POLD3: variants seen among roughly 807,000 people sequenced by gnomAD.
POLD3 encodes the protein DNA polymerase delta subunit 3.
Under a neutral mutation model 58.2 loss-of-function variants are expected in POLD3, and 19 were observed. The observed-to-expected ratio is 0.33, with a 90% CI of 0.23 to 0.48. The LOEUF is 0.48. Ranked by LOEUF, POLD3 falls within the 20% of genes least tolerant of loss-of-function variation. The pLI, the probability that POLD3 is intolerant of heterozygous loss-of-function variation, is 0.99. For synonymous variants in POLD3, 172 were observed against 193.5 expected (o/e 0.89, Z 0.92); for missense variants, 504 against 545.5 (o/e 0.92, Z 0.76).
At chr11:74,624,051 A>G (rs1178345269) in intron 7 of POLD3, among the ~76,000 whole-genome samples, 1 of 152,232 alleles carries the variant, frequency 6.6e-6, no homozygotes, top group Admixed American at 6.5e-5. Flanking sequence ...ATAGGTAGGT[A>G]GGAAGTATTT....
At chr11:74,663,444 GA>G (rs1020813024) in intron 4 of POLD3, among the ~76,000 whole-genome samples, 36 of 152,338 alleles carry the variant, frequency 2.4e-4, no homozygotes, top group African/African-American at 8.2e-4. Flanking sequence ...AGACAGAGGT[GA>G]AGAACTTACA....
intron 4 of POLD3, among the ~76,000 whole-genome samples, chr11:74,650,236 C>T (rs1293625346): frequency 6.6e-6 from 1 of 152,128 alleles, no homozygotes; most frequent in Non-Finnish European, 1.5e-5. Flanking sequence ...GGAGTGCCTA[C>T]TTTGTGCTGT....
intron 9 of POLD3, among the ~76,000 whole-genome samples, chr11:74,633,853 T>C (rs1309994973): frequency 6.6e-6 from 1 of 152,202 alleles, no homozygotes; most frequent in Non-Finnish European, 1.5e-5. Flanking sequence ...ATGCAAAATA[T>C]TAAGTAGGTC....
At chr11:74,593,557 C>T (rs1342501256) in intron 1 of POLD3, among the ~76,000 whole-genome samples, 1 of 152,204 alleles carries the variant, frequency 6.6e-6, no homozygotes, top group Non-Finnish European at 1.5e-5. Context: ...AGGCTTGATG[C>T]TGGTAGTTCC....
At chr11:74,632,933 C>CACAG (rs2032637972) in intron 9 of POLD3, among the ~76,000 whole-genome samples, 1 of 141,768 alleles carries the variant, frequency 7.1e-6, no homozygotes, top group Non-Finnish European at 1.6e-5. Flanking sequence ...CACACACACA[C>CACAG]AGTTACTCTA....
intron 3 of POLD3, among the ~76,000 whole-genome samples, chr11:74,605,343 G>A (rs2031638586): frequency 6.6e-6 from 1 of 152,074 alleles, no homozygotes; most frequent in Non-Finnish European, 1.5e-5. Context: ...GTGACTGCTG[G>A]ATTTCATCAT....
chr11:74,631,051 C>T lies in POLD3; in HGVS notation c.1006+1728C>T, dbSNP rs180959238. 6.6e-5 allele frequency among the ~76,000 whole-genome samples: 10 copies of T among 152,300 alleles called. No homozygotes were observed. The East Asian group carries it at 1.9e-3, about 29-fold the overall frequency. On this transcript the variant is annotated intron_variant, in intron 9 of 11. Transcript: ENST00000263681. Reference sequence around the variant, plus strand: ...TTCCTCTGGCAAAGATAATTTTTGGCATCTGACTAAATTTATAAACCTCTG... The same window carrying T: ...TTCCTCTGGCAAAGATAATTTTTGGTATCTGACTAAATTTATAAACCTCTG...
chr11:74,632,275 T>C (rs1295395749), intron 9 of POLD3, among the ~76,000 whole-genome samples: 2 of 152,202 alleles, frequency 1.3e-5, no homozygotes, highest in Admixed American at 6.5e-5. Context: ...TCTCTGAAAT[T>C]AGTTTCATTG....
At position 74,636,029 on chromosome 11, in the gene POLD3, C is replaced by A. The variant is rs116993598; in HGVS notation, c.1120-168C>A. On this transcript the variant is annotated intron_variant, in intron 10 of 11. Transcript: ENST00000263681. ...AAGCCTGTGTATATAGTGGGCGTAA[C>A]TTGTCTGTGTGATGGGGTTGGTTCT... 5.1e-3 allele frequency among the ~76,000 whole-genome samples: 773 copies of A among 152,338 alleles called. 3 individuals are homozygous for A. The highest frequency in any genetic ancestry group is 0.01 in the Middle Eastern group (3 of 294).
At chr11:74,620,727 A>C (rs1366466411) in intron 7 of POLD3, among the ~76,000 whole-genome samples, 1 of 152,352 alleles carries the variant, frequency 6.6e-6, no homozygotes, top group Admixed American at 6.5e-5. Flanking sequence ...TCAAGTGTAC[A>C]TCCCCTGAGA....
In POLD3 at chr11:74,618,523, A is replaced by T. The variant is rs1712273892; in HGVS notation, c.393-14A>T. ...TATGCTGACATTAACTTAATGTAAC[A>T]TTTCTGTCCCCAGATTTAGTGCTAT... On this transcript the variant is annotated splice_polypyrimidine_tract_variant and intron_variant, in intron 5 of 11. Coordinates refer to ENST00000263681, the MANE Select transcript of POLD3 (RefSeq NM_006591.3). The T allele has an allele frequency of 1.3e-6, 2 of 1,584,324 alleles. No individual in the cohort carries two copies. Among genetic ancestry groups the T allele is most frequent in the Non-Finnish European group, 1.7e-6 (2 of 1,160,286 alleles).
chr11:74,640,864 C>T lies in POLD3; in HGVS notation c.*98C>T, dbSNP rs2032895288. 2 of 1,375,196 alleles carry T rather than the reference C, an allele frequency of 1.5e-6. No homozygotes were observed. The highest frequency in any genetic ancestry group is 1.9e-6 in the Non-Finnish European group (2 of 1,061,718). 85.2% of individuals were successfully genotyped at this position (1,375,196 alleles called of 1,614,324 possible). On this transcript the variant is annotated 3_prime_UTR_variant, in exon 12 of 12. Coordinates refer to ENST00000263681, the MANE Select transcript of POLD3 (RefSeq NM_006591.3). Reference sequence around the variant, plus strand: ...TATGTAAGTTCATCTAGATCTCCACCTCACCTGTATCAAAAGACTGTTCTT... The same window carrying T: ...TATGTAAGTTCATCTAGATCTCCACTTCACCTGTATCAAAAGACTGTTCTT...
chr11:74,624,809 A>G (rs1165568667), intron 7 of POLD3, among the ~76,000 whole-genome samples: 1 of 152,216 alleles, frequency 6.6e-6, no homozygotes, highest in East Asian at 1.9e-4. Context: ...TGGATAAATC[A>G]TTTAACCAAT....
In POLD3 at chr11:74,604,847, T is replaced by C. The variant is rs1049361614; in HGVS notation, c.219+53T>C. The C allele has an allele frequency of 1.6e-5, 15 of 959,838 alleles. No homozygotes were observed. In the Admixed American group the frequency reaches 2.7e-4, roughly 17 times the overall value. 59.5% of individuals were successfully genotyped at this position (959,838 alleles called of 1,614,324 possible). On this transcript the variant is annotated intron_variant, in intron 3 of 11. Coordinates refer to ENST00000263681, the MANE Select transcript of POLD3 (RefSeq NM_006591.3). ...TTAAATGTGTTTGTGTTATGAAGAGTGTTATAACATAGTTCAGGGGAGAGA... is the reference window on the plus strand; with the variant it reads ...TTAAATGTGTTTGTGTTATGAAGAGCGTTATAACATAGTTCAGGGGAGAGA...
intron 1 of POLD3, among the ~76,000 whole-genome samples, chr11:74,593,382 G>A (rs953629686): frequency 2.6e-5 from 4 of 152,232 alleles, no homozygotes; most frequent in African/African-American, 9.6e-5. Flanking sequence ...GTAAGGGATA[G>A]GCAGTTTTTC....
chr11:74,626,805 C>T (rs1242216467), intron 8 of POLD3, among the ~76,000 whole-genome samples: 1 of 151,978 alleles, frequency 6.6e-6, no homozygotes, highest in Non-Finnish European at 1.5e-5. Flanking sequence ...ACAGTGGTCT[C>T]GTAAGATTAT....
chr11:74,623,408 C>T (rs2032327549), intron 7 of POLD3, among the ~76,000 whole-genome samples: 1 of 152,144 alleles, frequency 6.6e-6, no homozygotes, highest in Admixed American at 6.5e-5. Flanking sequence ...GCGCTCCAGC[C>T]TGGGCGACAG....
chr11:74,625,436 A>G lies in POLD3; in HGVS notation c.762A>G (p.Glu254=), dbSNP rs2032396473. ...MNKFKVNLDS[E]QAVKEEKIVE... ...AATTTAAAGTCAATTTGGACTCAGA[A>G]CAAGCAGTGAAAGAAGAAAAAATAG... The change falls in exon 8 of 12, where the codon GAA becomes GAG. Residue 254 remains glutamate, a synonymous_variant. Transcript: ENST00000263681. 2 of 1,611,714 alleles carry G rather than the reference A, an allele frequency of 1.2e-6. No individual in the cohort carries two copies. The highest frequency in any genetic ancestry group is 8.5e-7 in the Non-Finnish European group (1 of 1,179,248).
At chr11:74,607,251 T>TA in intron 3 of POLD3, among the ~76,000 whole-genome samples, 2 of 140,034 alleles carry the variant, frequency 1.4e-5, no homozygotes, top group African/African-American at 5.5e-5. Context: ...TATATATTTA[T>TA]TTATTTATTT....
Sources: allele counts gnomAD v4.1 joint callset (sites outside exome capture counted in the v4.1 genomes callset), GRCh38; gene constraint gnomAD v4.1.1; transcripts MANE v1.5; gene names NCBI Gene and HGNC (gene_info 2026-07-23, HGNC 2026-07-21).